TERF1: variants seen among roughly 807,000 people sequenced by gnomAD.
TERF1 encodes telomeric repeat binding factor 1.
TERF1 carries 20 observed loss-of-function variants against 55.1 expected under a neutral mutation model. That is an observed-to-expected ratio of 0.36 (90% CI 0.26 to 0.53). The LOEUF (loss-of-function observed/expected upper bound fraction) is 0.53. Among genes scored for constraint, TERF1 ranks in the 20% least tolerant of loss-of-function variants. The pLI is 0.91. For synonymous variants in TERF1, 168 were observed against 181.2 expected, an observed-to-expected ratio of 0.93 and a Z score of 0.59; for missense variants, 439 against 535.7, an observed-to-expected ratio of 0.82 and a Z score of 1.78.
chr8:73,031,760 C>CGAAAGAGT (rs893354484), intron 7 of TERF1: 1 of 229,044 alleles, frequency 4.4e-6, no homozygotes. Flanking sequence ...ATTGGAAGGC[C>CGAAAGAGT]GAAAGAGTCT....
chr8:73,035,737 CT>C (rs1809481255), intron 8 of TERF1, among the ~76,000 whole-genome samples: 1 of 152,156 alleles, frequency 6.6e-6, no homozygotes, highest in Non-Finnish European at 1.5e-5. Context: ...ATGCTAAAAT[CT>C]CTCCATCAGA....
intron 5 of TERF1, among the ~76,000 whole-genome samples, 175 bp from the exon 6 acceptor site, chr8:73,026,765 G>A (rs1398684558): frequency 6.6e-6 from 1 of 151,980 alleles, no homozygotes; most frequent in African/African-American, 2.4e-5. Flanking sequence ...TAATGTAGCT[G>A]CTGGCAGTGT....
chr8:73,023,995 TA>T (rs1808876745), intron 4 of TERF1, among the ~76,000 whole-genome samples: 1 of 152,202 alleles, frequency 6.6e-6, no homozygotes, highest in Non-Finnish European at 1.5e-5. Context: ...CCATGAAGTT[TA>T]AAGGCAACAA....
In TERF1 at chr8:73,024,913, A is replaced by C; in HGVS notation, c.716A>C (p.Lys239Thr). ...TTCAGCTACAACCACATGATGGAGAAAATTAAGAGTTATGTGAATTATGTG... is the reference window on the plus strand; with the variant it reads ...TTCAGCTACAACCACATGATGGAGACAATTAAGAGTTATGTGAATTATGTG... ...QHFSYNHMME[K>T]IKSYVNYVLS... Residue 239 changes from lysine to threonine, a missense_variant, in exon 5 of 10, where the codon AAA becomes ACA. Lys to Thr is a moderately conservative substitution (Grantham distance 78, BLOSUM62 -1). Coordinates refer to ENST00000276603, the MANE Select transcript of TERF1 (RefSeq NM_017489.3). 6.3e-7 allele frequency: 1 copy of C among 1,585,068 alleles called. No individual in the cohort carries two copies. The highest frequency in any genetic ancestry group is 1.1e-5 in the South Asian group (1 of 88,892).
intron 1 of TERF1, chr8:73,011,116 A>G (rs1808262951): frequency 6.9e-6 from 1 of 145,592 alleles, no homozygotes; most frequent in South Asian, 2.2e-4. Flanking sequence ...GGTTTAACTT[A>G]AAGTCACCAG....
Position 73,041,234 on chromosome 8 carries a change from TGTTTATCTGTCTAGGAGTTACC to T in TERF1, c.1143+2020_1143+2041del, listed in dbSNP as rs776743210. Among the ~76,000 whole-genome samples the T allele has an allele frequency of 6.6e-4, 101 of 152,320 alleles. 1 individual carries two copies. Among genetic ancestry groups the T allele is most frequent in the South Asian group, 2.9e-3 (14 of 4,832 alleles). On this transcript the variant is annotated intron_variant, in intron 9 of 9. Transcript: ENST00000276603. ...AATGATCCTTTAATGTGAGGTTTTATGTTTATCTGTCTAGGAGTTACCGTTTGTAGCTGTAGGTGTCAAAGGC... is the reference window on the plus strand; with the variant it reads ...AATGATCCTTTAATGTGAGGTTTTATGTTTGTAGCTGTAGGTGTCAAAGGC...
chr8:73,029,378 A>G (rs538111096), intron 6 of TERF1, among the ~76,000 whole-genome samples: 20 of 152,232 alleles, frequency 1.3e-4, no homozygotes, highest in Admixed American at 3.3e-4. Flanking sequence ...TAATCCCAGC[A>G]CTTTGAAAGG....
intron 8 of TERF1, among the ~76,000 whole-genome samples, chr8:73,037,363 T>C (rs1248911255): frequency 7.4e-6 from 1 of 134,748 alleles, no homozygotes; most frequent in African/African-American, 2.7e-5. Context: ...AGATTCCACA[T>C]CTGTGGATTC....
intron 8 of TERF1, among the ~76,000 whole-genome samples, chr8:73,033,129 TGCC>T (rs770859211): frequency 7.2e-5 from 11 of 151,854 alleles, no homozygotes; most frequent in Non-Finnish European, 1.6e-4. Flanking sequence ...ACCATCTTGG[TGCC>T]AGGCAAATGA....
chr8:73,024,001 C>T (rs1808876849), intron 4 of TERF1, among the ~76,000 whole-genome samples: 1 of 152,124 alleles, frequency 6.6e-6, no homozygotes, highest in Non-Finnish European at 1.5e-5. Context: ...AGTTTAAAGG[C>T]AACAAAAAAC....
At chr8:73,030,524 A>G (rs531744339) in intron 7 of TERF1, 129 bp downstream of exon 7, 3 of 557,114 alleles carry the variant, frequency 5.4e-6, no homozygotes, top group African/African-American at 4.0e-5. Context: ...AGTTAGCCCA[A>G]CAGATAGTCA....
chr8:73,013,061 A>G, intron 1 of TERF1: 1 of 353,296 alleles, frequency 2.8e-6, no homozygotes, highest in South Asian at 2.2e-5. Flanking sequence ...GTTAGAATTG[A>G]GGGAGGAAAT....
chr8:73,033,957 GT>G (rs1353223795), intron 8 of TERF1, among the ~76,000 whole-genome samples: 1 of 151,952 alleles, frequency 6.6e-6, no homozygotes, highest in Non-Finnish European at 1.5e-5. Context: ...TTCTTTTTCT[GT>G]TTTTGGAGAC....
chr8:73,023,392 C>T (rs1483212334), intron 4 of TERF1, among the ~76,000 whole-genome samples: 1 of 152,156 alleles, frequency 6.6e-6, no homozygotes. Flanking sequence ...AGCACCTTCC[C>T]TTGATAATGT....
chr8:73,030,455 G>T, intron 7 of TERF1, 60 bp downstream of exon 7: 1 of 1,135,850 alleles, frequency 8.8e-7, no homozygotes, highest in Non-Finnish European at 1.2e-6. Context: ...AGCAATTCAT[G>T]CAGACCTAAT....
chr8:73,033,439 G>A (rs1436005032), intron 8 of TERF1, among the ~76,000 whole-genome samples: 1 of 152,140 alleles, frequency 6.6e-6, no homozygotes, highest in South Asian at 2.1e-4. Context: ...TCAAAGAAAA[G>A]GAAATGTAGG....
At chr8:73,039,989 A>T (rs889875970) in intron 9 of TERF1, among the ~76,000 whole-genome samples, 1 of 138,590 alleles carries the variant, frequency 7.2e-6, no homozygotes, top group Non-Finnish European at 1.5e-5. Flanking sequence ...CCGTTTTCTT[A>T]CTCGAAGGTG....
rs374662171 is a variant in TERF1 at position 73,009,189 on chromosome 8, C to T, written c.303C>T (p.Thr101=). ...GCCGCTCCGAGGACTTCCGCAGGAC[C>T]CGCAACAGCGCAGAGGGTGAGTGCA... is the stretch of plus-strand genomic sequence containing the variant. The part of the protein sequence containing the change: ...RDGRSEDFRR[T]RNSAEAIIHG... The change falls in exon 1 of 10, where the codon ACC becomes ACT. Residue 101 remains threonine, a synonymous_variant. Transcript: ENST00000276603. The T allele has an allele frequency of 6.1e-5, 99 of 1,610,390 alleles. No homozygotes were observed. Among genetic ancestry groups the T allele is most frequent in the Non-Finnish European group, 8.2e-5 (97 of 1,179,836 alleles).
In TERF1 at chr8:73,009,157, C is replaced by A. The variant is rs1171106607; in HGVS notation, c.271C>A (p.Arg91Ser). ...CTGCCTCTCTCTTTGCCGAGCTTTC[C>A]GCGACGGCCGCTCCGAGGACTTCCG... The part of the protein sequence containing the change: ...FLCLSLCRAF[R>S]DGRSEDFRRT... The change falls in exon 1 of 10, where the codon CGC (arginine) becomes AGC (serine). Residue 91 changes from arginine (R) to serine (S), a missense_variant. Coordinates refer to ENST00000276603, the MANE Select transcript of TERF1 (RefSeq NM_017489.3). The A allele has an allele frequency of 6.2e-7, 1 of 1,611,148 alleles. No homozygotes were observed. The highest frequency in any genetic ancestry group is 8.5e-7 in the Non-Finnish European group (1 of 1,179,836).
Sources: gnomAD v4.1 joint callset for allele counts (sites outside exome capture counted in the v4.1 genomes callset) on GRCh38, gnomAD v4.1.1 for gene constraint, MANE v1.5 for transcripts, NCBI Gene and HGNC (gene_info 2026-07-23, HGNC 2026-07-21) for gene names.